NRXN1: variants seen among roughly 807,000 people sequenced by gnomAD.
The protein encoded by NRXN1 is neurexin-1.
A neutral mutation model predicts 150.9 loss-of-function variants in NRXN1; 39 were observed. The ratio of observed to expected loss-of-function variants is 0.26; its 90% CI spans 0.20 to 0.34. NRXN1 has a LOEUF of 0.34. NRXN1 is among the 10% of genes least tolerant of loss of function. NRXN1 has a pLI of 1.00. For missense variants in NRXN1, 1,815 were observed against 1,949.9 expected (o/e 0.93, Z 1.30); for synonymous variants, 924 against 757.0 (o/e 1.22, Z -3.62).
chr2:50,608,003 A>T (rs905786383), intron 8 of NRXN1, among the ~76,000 whole-genome samples: 1 of 152,032 alleles, frequency 6.6e-6, no homozygotes, highest in Non-Finnish European at 1.5e-5. Flanking sequence ...TCCAGAAAGA[A>T]GGCCAAGCCC....
At chr2:50,359,013 G>A (rs562542074) in intron 17 of NRXN1, among the ~76,000 whole-genome samples, 156 of 152,230 alleles carry the variant, frequency 1.0e-3, no homozygotes, top group African/African-American at 3.6e-3. Flanking sequence ...GTAACAGAAA[G>A]GAAAACAAAC....
chr2:50,456,439 C>T (rs2104572965), intron 17 of NRXN1, among the ~76,000 whole-genome samples: 1 of 152,186 alleles, frequency 6.6e-6, no homozygotes, highest in South Asian at 2.1e-4. Context: ...AGAGTTAAAA[C>T]ACGTATAGCA....
intron 17 of NRXN1, among the ~76,000 whole-genome samples, chr2:50,362,733 G>GA (rs1462260050): frequency 2.0e-5 from 3 of 152,104 alleles, no homozygotes; most frequent in Non-Finnish European, 2.9e-5. Flanking sequence ...TACCAAATTA[G>GA]AAAAAAGTAC....
chr2:50,116,197 T>G (rs952669965), intron 18 of NRXN1, among the ~76,000 whole-genome samples: 15 of 152,088 alleles, frequency 9.9e-5, no homozygotes, highest in African/African-American at 3.6e-4. Flanking sequence ...TCCACTGGCT[T>G]ATCTACAGCA....
At chr2:50,329,968 G>A (rs906063436) in intron 17 of NRXN1, among the ~76,000 whole-genome samples, 7 of 151,432 alleles carry the variant, frequency 4.6e-5, no homozygotes, top group Non-Finnish European at 5.9e-5. Context: ...CACTGCACCC[G>A]GCCAGTGTTT....
intron 19 of NRXN1, among the ~76,000 whole-genome samples, chr2:50,057,930 T>A (rs985019221): frequency 6.6e-6 from 1 of 152,072 alleles, no homozygotes; most frequent in African/African-American, 2.4e-5. Flanking sequence ...ATTCCCCATG[T>A]CACAAAATTG....
chr2:50,047,874 T>C (rs189799532), intron 21 of NRXN1, among the ~76,000 whole-genome samples: 8 of 152,250 alleles, frequency 5.3e-5, no homozygotes, highest in Admixed American at 3.9e-4. Flanking sequence ...GTACCTGAGA[T>C]ATAGCAAGTG....
intron 18 of NRXN1, among the ~76,000 whole-genome samples, chr2:50,142,873 C>T (rs903160608): frequency 1.3e-5 from 2 of 151,738 alleles, no homozygotes; most frequent in East Asian, 1.9e-4. Context: ...TAAAGCGAAA[C>T]CCAGGCATAG....
intron 18 of NRXN1, among the ~76,000 whole-genome samples, chr2:50,151,394 A>G (rs2058686965): frequency 6.6e-6 from 1 of 151,746 alleles, no homozygotes; most frequent in Non-Finnish European, 1.5e-5. Context: ...TGAAAGTGAC[A>G]GAAGTTTAAA....
intron 5 of NRXN1, among the ~76,000 whole-genome samples, chr2:50,892,162 C>T (rs1481899813): frequency 6.6e-6 from 1 of 152,026 alleles, no homozygotes; most frequent in African/African-American, 2.4e-5. Context: ...TACAATAAAG[C>T]AGGGAAACTT....
intron 2 of NRXN1, among the ~76,000 whole-genome samples, chr2:50,985,886 T>C (rs184415384): frequency 4.6e-5 from 7 of 151,808 alleles, no homozygotes; most frequent in Admixed American, 1.3e-4. Context: ...CATATATGAC[T>C]TACAAAATGT....
intron 2 of NRXN1, among the ~76,000 whole-genome samples, chr2:51,001,064 A>G (rs1465101148): frequency 2.0e-5 from 3 of 151,948 alleles, no homozygotes; most frequent in Non-Finnish European, 2.9e-5. Flanking sequence ...GCTAAAGAGA[A>G]TTAGAATGCC....
chr2:50,073,067 T>C (rs554161297), intron 19 of NRXN1, among the ~76,000 whole-genome samples: 1 of 152,362 alleles, frequency 6.6e-6, no homozygotes, highest in African/African-American at 2.4e-5. Flanking sequence ...TCCTGGAGCC[T>C]ATACCCTTAG....
chr2:50,409,744 T>A, intron 17 of NRXN1, among the ~76,000 whole-genome samples: 1 of 152,348 alleles, frequency 6.6e-6, no homozygotes, highest in South Asian at 2.1e-4. Context: ...AATAGTTACA[T>A]GTATAAGAAT....
intron 9 of NRXN1, among the ~76,000 whole-genome samples, chr2:50,541,477 G>C (rs1381782926): frequency 6.6e-6 from 1 of 152,190 alleles, no homozygotes; most frequent in African/African-American, 2.4e-5. Context: ...AGTAAGGATG[G>C]AGTAACTGTG....
intron 8 of NRXN1, among the ~76,000 whole-genome samples, chr2:50,570,058 T>C (rs558105659): frequency 6.6e-6 from 1 of 152,226 alleles, no homozygotes; most frequent in South Asian, 2.1e-4. Context: ...TACTACTAAA[T>C]TAAAGAGCAA....
Position 50,620,163 on chromosome 2 carries a change from C to A in NRXN1, c.1179G>T (p.Gly393=), listed in dbSNP as rs200528030. The change falls in exon 8 of 23, where the codon GGG becomes GGT. Residue 393 remains glycine (G), a synonymous_variant. Transcript: ENST00000401669. ...GHAMVTISVD[G]ILTTTGYTQE... ...GCGTGTAGCCCGTTGTGGTAAGAAT[C>A]CCATCCACTGATATTGTCACCTAGA... The A allele has an allele frequency of 6.2e-7, 1 of 1,613,290 alleles. No homozygotes were observed. The highest frequency in any genetic ancestry group is 1.3e-5 in the African/African-American group (1 of 74,896).
In NRXN1 at chr2:50,734,857, G is replaced by T. The variant is rs1288821745; in HGVS notation, c.833-111242C>A. Among the ~76,000 whole-genome samples the T allele has an allele frequency of 2.0e-5, 3 of 152,214 alleles. No homozygotes were observed. The East Asian group carries it at 5.8e-4, about 29-fold the overall frequency. On this transcript the variant is annotated intron_variant, in intron 5 of 22. Transcript: ENST00000401669. ...ATTATTGCAAATAAATAAATCCAGA[G>T]AATGTAAAATGAAATATACAGGACT...
intron 18 of NRXN1, among the ~76,000 whole-genome samples, chr2:50,198,716 C>T (rs1312800853): frequency 1.3e-5 from 2 of 152,034 alleles, no homozygotes; most frequent in Non-Finnish European, 1.5e-5. Context: ...TCCTAAAACC[C>T]CATTCTAGAT....
Sources: gnomAD v4.1 joint callset for allele counts (sites outside exome capture counted in the v4.1 genomes callset) on GRCh38, gnomAD v4.1.1 for gene constraint, MANE v1.5 for transcripts, NCBI Gene and HGNC (gene_info 2026-07-23, HGNC 2026-07-21) for gene names.